The following CCDC125 variants were observed in gnomAD, a reference collection of about 807,000 sequenced individuals.
The protein encoded by CCDC125 is coiled-coil domain-containing protein 125.
In CCDC125, 43 loss-of-function variants were observed where a neutral mutation model predicts 57.4. The observed-to-expected ratio is 0.75, with a 90% CI of 0.59 to 0.97. The LOEUF (loss-of-function observed/expected upper bound fraction) is 0.97. Ranked by LOEUF, CCDC125 falls within the 50% of genes least tolerant of loss-of-function variation. CCDC125 has a pLI of 0.00. For synonymous variants in CCDC125, 187 were observed against 195.2 expected (o/e 0.96, Z 0.35); for missense variants, 563 against 595.7 (o/e 0.95, Z 0.57).
At chr5:69,276,053 G>A (rs1343986752), downstream of CCDC125, among the ~76,000 whole-genome samples, 1 of 151,542 alleles carries the variant, frequency 6.6e-6, no homozygotes, top group Non-Finnish European at 1.5e-5. Flanking sequence ...TTTTTGATAC[G>A]GAGCCTTGCT....
chr5:69,286,479 C>A lies in CCDC125; in HGVS notation c.1100-1012G>T, dbSNP rs1407888634. 4.6e-5 allele frequency among the ~76,000 whole-genome samples: 7 copies of A among 151,218 alleles called. No homozygotes were observed. In the East Asian group the frequency reaches 1.2e-3, roughly 25 times the overall value. ...GATCTCCTGACCTCATGATTCGCCC[C>A]CTCTTGGCCTCCCAAAATGCTGGGA... is the stretch of plus-strand genomic sequence containing the variant. On this transcript the variant is annotated intron_variant, in intron 10 of 11. Coordinates refer to ENST00000396496, the MANE Select transcript of CCDC125 (RefSeq NM_176816.5).
At chr5:69,285,490 A>C in intron 10 of CCDC125, 23 bp from the exon 11 acceptor site, 1 of 1,583,674 alleles carries the variant, frequency 6.3e-7, no homozygotes, top group African/African-American at 1.4e-5. Context: ...ATGAGAATCC[A>C]GCTGAGACAT....
the CCDC125 span, chr5:69,273,056 C>G: frequency 6.9e-7 from 1 of 1,448,974 alleles, no homozygotes; most frequent in Non-Finnish European, 9.3e-7. Flanking sequence ...TTTGGTGTAT[C>G]TTTTTTATAC....
intron 10 of CCDC125, among the ~76,000 whole-genome samples, chr5:69,286,188 CTAT>C (rs1753332472): frequency 3.9e-5 from 2 of 51,332 alleles, no homozygotes; most frequent in Admixed American, 3.4e-4. Flanking sequence ...AAATGGTAAA[CTAT>C]ATATATATAT....
rs1411927342 is a variant in CCDC125 at position 69,317,876 on chromosome 5, TC to T, written c.304+2360del. Among the ~76,000 whole-genome samples, 3 of 151,338 alleles carry T rather than the reference TC, an allele frequency of 2.0e-5. No individual in the cohort carries two copies. In the East Asian group the frequency reaches 5.8e-4, roughly 29 times the overall value. Reference sequence around the variant, plus strand: ...TTCCCAAAGATCCACTGCCTTACTCTCCCCTTCATTCTGGTGCTCAGGCCAA... The same window carrying T: ...TTCCCAAAGATCCACTGCCTTACTCTCCCTTCATTCTGGTGCTCAGGCCAA... On this transcript the variant is annotated intron_variant, in intron 2 of 11. Coordinates refer to ENST00000396496, the MANE Select transcript of CCDC125 (RefSeq NM_176816.5).
downstream of CCDC125, among the ~76,000 whole-genome samples, chr5:69,278,950 T>C (rs1181883456): frequency 6.7e-6 from 1 of 150,220 alleles, no homozygotes; most frequent in Admixed American, 6.8e-5. Context: ...CACTGTAACC[T>C]CTGCATCCTG....
downstream of CCDC125, among the ~76,000 whole-genome samples, chr5:69,279,279 C>T (rs894522248): frequency 3.0e-4 from 45 of 150,624 alleles, no homozygotes; most frequent in Non-Finnish European, 5.8e-4. Flanking sequence ...CTCACTGCAA[C>T]CTCCGCCCAC....
At chr5:69,301,398 C>CTGAGGCGGGCGGATCA (rs1756416827) in intron 7 of CCDC125, among the ~76,000 whole-genome samples, 2 of 152,052 alleles carry the variant, frequency 1.3e-5, no homozygotes. Flanking sequence ...CTTTTGGAGG[C>CTGAGGCGGGCGGATCA]CAAGGTGGGA....
intron 2 of CCDC125, among the ~76,000 whole-genome samples, chr5:69,319,068 C>T (rs1376211356): frequency 3.3e-5 from 5 of 151,990 alleles, no homozygotes; most frequent in Admixed American, 6.6e-5. Context: ...GCTGGGACTA[C>T]AAGCACGTGC....
chr5:69,293,060 C>T (rs1181634144), intron 9 of CCDC125, among the ~76,000 whole-genome samples: 1 of 151,768 alleles, frequency 6.6e-6, no homozygotes, highest in Non-Finnish European at 1.5e-5. Context: ...AGGCTGGTCT[C>T]GAACTCCTGA....
intron 9 of CCDC125, among the ~76,000 whole-genome samples, chr5:69,293,415 G>T (rs186914261): frequency 1.3e-5 from 2 of 152,062 alleles, no homozygotes; most frequent in East Asian, 3.9e-4. Flanking sequence ...ACTTTGGGGG[G>T]CCAAGGCGGG....
Position 69,300,540 on chromosome 5 carries a change from A to G in CCDC125, c.701-413T>C, listed in dbSNP as rs149842386. On this transcript the variant is annotated intron_variant, in intron 7 of 11. Coordinates refer to ENST00000396496, the MANE Select transcript of CCDC125 (RefSeq NM_176816.5). ...AGCTCTATCAGGTTTTTGTATTAGG[A>G]GTTTTCACAAGAAGATCTCAAACCA... 5.3e-4 allele frequency among the ~76,000 whole-genome samples: 80 copies of G among 152,322 alleles called. No individual in the cohort carries two copies. In the East Asian group the frequency reaches 0.014, roughly 26 times the overall value.
At chr5:69,308,188 G>C (rs920354093) in intron 4 of CCDC125, 160 bp from the exon 5 acceptor site, 1 of 613,028 alleles carries the variant, frequency 1.6e-6, no homozygotes, top group African/African-American at 1.9e-5. Context: ...TAGTTCAAAA[G>C]TCAGGAGATC....
rs1429457275 is a variant in CCDC125, at chr5:69,299,954, G to C, written c.816+58C>G. 3 of 1,287,730 alleles carry C rather than the reference G, an allele frequency of 2.3e-6. No homozygotes were observed. The East Asian group carries it at 6.9e-5, about 30-fold the overall frequency. 79.8% of individuals were successfully genotyped at this position (1,287,730 alleles called of 1,614,324 possible). ...CAATGTGTACACAAGGGCAATGGGA[G>C]AAAGAAAGGAAAGTAGCAAATGTCC... On this transcript the variant is annotated intron_variant, in intron 8 of 11. Coordinates refer to ENST00000396496, the MANE Select transcript of CCDC125 (RefSeq NM_176816.5).
chr5:69,319,347 G>A (rs1247887745), intron 2 of CCDC125, among the ~76,000 whole-genome samples: 1 of 152,012 alleles, frequency 6.6e-6, no homozygotes, highest in Non-Finnish European at 1.5e-5. Flanking sequence ...ACCTAATGAT[G>A]CCCAGTAAAT....
At chr5:69,324,333 T>G (rs1263590744) in intron 1 of CCDC125, among the ~76,000 whole-genome samples, 1 of 152,206 alleles carries the variant, frequency 6.6e-6, no homozygotes, top group Non-Finnish European at 1.5e-5. Flanking sequence ...GCACTGACAA[T>G]TCCAAGTGCT....
intron 11 of CCDC125, among the ~76,000 whole-genome samples, chr5:69,283,567 G>A (rs1752807975): frequency 6.6e-6 from 1 of 151,228 alleles, no homozygotes; most frequent in East Asian, 2.0e-4. Context: ...GCCCAGGCTG[G>A]AATGCAGTGA....
intron 2 of CCDC125, among the ~76,000 whole-genome samples, chr5:69,316,823 T>C (rs566519812): frequency 1.3e-5 from 2 of 152,262 alleles, no homozygotes; most frequent in South Asian, 4.1e-4. Context: ...TGTTTGGGAC[T>C]TCTGACCTAC....
intron 10 of CCDC125, among the ~76,000 whole-genome samples, chr5:69,290,524 A>G (rs1258744477): frequency 6.6e-6 from 1 of 150,774 alleles, no homozygotes; most frequent in East Asian, 1.9e-4. Context: ...GCTGGTCTTG[A>G]ACTCCTGACC....
Sources: gnomAD v4.1 joint callset for allele counts (sites outside exome capture counted in the v4.1 genomes callset) on GRCh38, gnomAD v4.1.1 for gene constraint, MANE v1.5 for transcripts, NCBI Gene and HGNC (gene_info 2026-07-23, HGNC 2026-07-21) for gene names.